NEDD9: variants seen among roughly 807,000 people sequenced by gnomAD.
The protein encoded by NEDD9 is neural precursor cell expressed, developmentally down-regulated 9, also known as enhancer of filamentation 1.
Under a neutral mutation model 76.6 loss-of-function variants are expected in NEDD9, and 26 were observed. The ratio of observed to expected loss-of-function variants is 0.34; its 90% CI spans 0.25 to 0.47. The LOEUF (loss-of-function observed/expected upper bound fraction) is 0.47, where lower values mean the gene tolerates loss of function less well. Among genes scored for constraint, NEDD9 ranks in the 20% least tolerant of loss-of-function variants. NEDD9 has a pLI of 1.00. For synonymous variants in NEDD9, 392 were observed against 414.2 expected (o/e 0.95, Z 0.65); for missense variants, 937 against 1,058.5 (o/e 0.89, Z 1.59).
intron 2 of NEDD9, among the ~76,000 whole-genome samples, chr6:11,206,620 T>A (rs948967691): frequency 2.0e-5 from 3 of 152,194 alleles, no homozygotes; most frequent in African/African-American, 4.8e-5. Flanking sequence ...TCTGTTTGCT[T>A]TGGTGTGGGT....
At chr6:11,294,925 G>C (rs569816577) in intron 3 of NEDD9, among the ~76,000 whole-genome samples, 1 of 152,180 alleles carries the variant, frequency 6.6e-6, no homozygotes, top group African/African-American at 2.4e-5. Flanking sequence ...GGTCTTTCCC[G>C]TGCTGTTCTT....
At chr6:11,221,740 C>T (rs1010316884) in intron 1 of NEDD9, among the ~76,000 whole-genome samples, 2 of 152,164 alleles carry the variant, frequency 1.3e-5, no homozygotes, top group Admixed American at 1.3e-4. Context: ...GATTTCAGTA[C>T]AGTATCTTGG....
At chr6:11,372,619 A>G (rs1297297492) in intron 1 of NEDD9, among the ~76,000 whole-genome samples, 1 of 152,244 alleles carries the variant, frequency 6.6e-6, no homozygotes, top group Non-Finnish European at 1.5e-5. Context: ...CACTAACAGT[A>G]TATGAGGGTT....
intron 1 of NEDD9, among the ~76,000 whole-genome samples, chr6:11,360,485 G>C (rs1762659150): frequency 2.0e-5 from 3 of 152,176 alleles, no homozygotes; most frequent in Admixed American, 2.0e-4. Context: ...GTGGGGCCTG[G>C]TGGGAGGTGA....
chr6:11,357,952 C>A lies in NEDD9; in HGVS notation c.-213-23391G>T, dbSNP rs563909276. Among the ~76,000 whole-genome samples, 4 of 152,210 alleles carry A rather than the reference C, an allele frequency of 2.6e-5. No homozygotes were observed. The South Asian group carries it at 8.3e-4, about 32-fold the overall frequency. On this transcript the variant is annotated intron_variant, in intron 1 of 3. Coordinates refer to the NEDD9 transcript ENST00000397378. ...GGTCCCGCCTCCAGAGGCAGCCATT[C>A]AACTAAAGAAGCTATGGGGCCGCAT...
chr6:11,346,075 C>T (rs1762358711), intron 1 of NEDD9, among the ~76,000 whole-genome samples: 1 of 152,220 alleles, frequency 6.6e-6, no homozygotes, highest in Non-Finnish European at 1.5e-5. Context: ...CTGACATGGT[C>T]TAGCGTGTTT....
intron 3 of NEDD9, among the ~76,000 whole-genome samples, chr6:11,261,037 A>G (rs1023325043): frequency 3.3e-5 from 5 of 152,302 alleles, no homozygotes; most frequent in Middle Eastern, 3.4e-3. Context: ...TAATGACTAT[A>G]AAAACGAAGC....
Position 11,213,600 on chromosome 6 carries a change from G to A in NEDD9, c.140C>T (p.Ser47Leu), listed in dbSNP as rs1374499821. Reference protein sequence around the residue: ...TGGLEGWWLCSLHGRQGIVPG... With the variant: ...TGGLEGWWLCLLHGRQGIVPG... ...GACAATGCCTTGCCGACCGTGTAATGAGCACAGCCACCATCCTTCCAGTCC... is the reference window on the plus strand; with the variant it reads ...GACAATGCCTTGCCGACCGTGTAATAAGCACAGCCACCATCCTTCCAGTCC... The change falls in exon 2 of 7, where the codon TCA becomes TTA. Residue 47 changes from serine to leucine, a missense_variant. Coordinates refer to ENST00000379446, the MANE Select transcript of NEDD9 (RefSeq NM_006403.4). This position sits in a 1 kb window ranked among gnomAD's most constrained non-coding sequence, Gnocchi z 5.4. 9 of 1,614,036 alleles carry A rather than the reference G, an allele frequency of 5.6e-6. No individual in the cohort carries two copies. Among genetic ancestry groups the A allele is most frequent in the East Asian group, 4.5e-5 (2 of 44,896 alleles).
chr6:11,237,106 A>AC (rs935462306), upstream of NEDD9, among the ~76,000 whole-genome samples: 1 of 151,502 alleles, frequency 6.6e-6, no homozygotes, highest in Non-Finnish European at 1.5e-5. This position sits in a 1 kb window ranked among gnomAD's most constrained non-coding sequence, Gnocchi z 4.9. Context: ...TACAACCCCC[A>AC]CCCTGCCCAC....
chr6:11,221,920 C>T (rs1759156486), intron 1 of NEDD9, among the ~76,000 whole-genome samples: 1 of 152,102 alleles, frequency 6.6e-6, no homozygotes, highest in African/African-American at 2.4e-5. Context: ...ACAGTGTTGG[C>T]ACTGGATCAT....
At chr6:11,360,567 T>G (rs1020346502) in intron 1 of NEDD9, among the ~76,000 whole-genome samples, 2 of 152,034 alleles carry the variant, frequency 1.3e-5, no homozygotes, top group Non-Finnish European at 1.5e-5. Flanking sequence ...TGAGATCTGG[T>G]TGGTGAGAGA....
At chr6:11,381,852 A>C (rs2113585151) in intron 1 of NEDD9, among the ~76,000 whole-genome samples, 1 of 152,306 alleles carries the variant, frequency 6.6e-6, no homozygotes, top group South Asian at 2.1e-4. Context: ...CAGTAGGAAG[A>C]GGGGAGGGGC....
At chr6:11,255,710 A>T (rs563035320) in intron 3 of NEDD9, among the ~76,000 whole-genome samples, 2 of 152,252 alleles carry the variant, frequency 1.3e-5, no homozygotes, top group African/African-American at 4.8e-5. Flanking sequence ...GAGCCATGCG[A>T]GGCCTTTTGA....
intron 1 of NEDD9, among the ~76,000 whole-genome samples, chr6:11,214,475 A>C (rs1179900022): frequency 1.3e-5 from 2 of 152,016 alleles, no homozygotes; most frequent in Non-Finnish European, 2.9e-5. Flanking sequence ...CCCTTTCGTC[A>C]CCTACTTCTT....
At chr6:11,305,156 T>C (rs886396395) in intron 3 of NEDD9, 61 of 1,288,062 alleles carry the variant, frequency 4.7e-5, no homozygotes, top group Non-Finnish European at 5.8e-5. Flanking sequence ...TGATGGTTGA[T>C]TCTCTGAGAT....
intron 3 of NEDD9, among the ~76,000 whole-genome samples, chr6:11,259,520 G>A (rs955673124): frequency 2.6e-5 from 4 of 152,126 alleles, no homozygotes; most frequent in East Asian, 1.9e-4. Context: ...TTATTAGTAT[G>A]TGTAATAATT....
chr6:11,355,514 TC>T (rs1217289946), intron 1 of NEDD9, among the ~76,000 whole-genome samples: 1 of 152,158 alleles, frequency 6.6e-6, no homozygotes, highest in African/African-American at 2.4e-5. Context: ...TCTGGGACTG[TC>T]CCTGTTTTAA....
rs184454221 is a variant in NEDD9 at position 11,213,973 on chromosome 6, T to C, written c.13-246A>G. 6.6e-6 allele frequency among the ~76,000 whole-genome samples: 1 copy of C among 152,336 alleles called. No individual in the cohort carries two copies. Among genetic ancestry groups the C allele is most frequent in the Non-Finnish European group, 1.5e-5 (1 of 68,032 alleles). Reference sequence around the variant, plus strand: ...TCAAAACACCAGAAGAGTTCTTTCCTCTAGCAGGATATGCCGTGCCAAGGA... The same window carrying C: ...TCAAAACACCAGAAGAGTTCTTTCCCCTAGCAGGATATGCCGTGCCAAGGA... On this transcript the variant is annotated intron_variant, in intron 1 of 6. Transcript: ENST00000379446. The surrounding 1 kb of genome is among the most constrained non-coding windows in gnomAD (Gnocchi z 5.4).
In NEDD9 at chr6:11,287,639, T is replaced by C. The variant is rs565212557; in HGVS notation, c.12+18353A>G. 1.2e-4 allele frequency among the ~76,000 whole-genome samples: 18 copies of C among 152,290 alleles called. 1 individual carries two copies. The South Asian group carries it at 3.3e-3, about 28-fold the overall frequency. ...TCTTCATCCCCTTCATCCATTCTCC[T>C]CTACGTACTTTTCCTACACATTCCT... On this transcript the variant is annotated intron_variant, in intron 3 of 3. Coordinates refer to the NEDD9 transcript ENST00000397378.
Sources: allele counts gnomAD v4.1 joint callset (sites outside exome capture counted in the v4.1 genomes callset), GRCh38; gene constraint gnomAD v4.1.1; non-coding constraint Gnocchi (gnomAD v3.1); transcripts MANE v1.5; gene names NCBI Gene and HGNC (gene_info 2026-07-23, HGNC 2026-07-21).